TMX3: variants seen among roughly 807,000 people sequenced by gnomAD.
The protein encoded by TMX3 is protein disulfide-isomerase TMX3.
In TMX3, 40 loss-of-function variants were observed where a neutral mutation model predicts 64.4. That is an observed-to-expected ratio of 0.62 (90% CI 0.48 to 0.81). TMX3 has a LOEUF of 0.81. Among genes scored for constraint, TMX3 ranks in the 30% least tolerant of loss-of-function variants. TMX3 has a pLI of 0.00. For synonymous variants in TMX3, 189 were observed against 175.7 expected, an observed-to-expected ratio of 1.08 and a Z score of -0.60; for missense variants, 497 against 534.5, an observed-to-expected ratio of 0.93 and a Z score of 0.69.
At position 68,711,386 on chromosome 18, in the gene TMX3, T is replaced by C. The variant is rs2031258121; in HGVS notation, c.119A>G (p.Asn40Ser). The C allele has an allele frequency of 6.3e-7, 1 of 1,592,846 alleles. No individual in the cohort carries two copies. Among genetic ancestry groups the C allele is most frequent in the Non-Finnish European group, 8.6e-7 (1 of 1,166,528 alleles). Residue 40 changes from asparagine to serine, a missense_variant, in exon 3 of 16, where the codon AAT becomes AGT. Coordinates refer to ENST00000299608, the MANE Select transcript of TMX3 (RefSeq NM_019022.5). ...DLDESFKENR[N>S]DDIWLVDFYA... ...TACATCTACAAGCCAAATGTCATCA[T>C]TTCGATTTTCTTTAAACCTAAAAAA...
At chr18:68,705,664 A>C (rs2030592017) in intron 4 of TMX3, among the ~76,000 whole-genome samples, 1 of 152,216 alleles carries the variant, frequency 6.6e-6, no homozygotes, top group Non-Finnish European at 1.5e-5. Flanking sequence ...ATATTTTAGC[A>C]CTCATTTTGA....
At chr18:68,713,079 C>G (rs1315261413) in intron 2 of TMX3, among the ~76,000 whole-genome samples, 1 of 151,514 alleles carries the variant, frequency 6.6e-6, no homozygotes, top group African/African-American at 2.4e-5. Flanking sequence ...CCAGGTGAGT[C>G]AGGTGGATGA....
chr18:68,712,377 T>C (rs9965317), intron 2 of TMX3, among the ~76,000 whole-genome samples: 8,985 of 152,252 alleles, frequency 0.059, 901 homozygotes, highest in African/African-American at 0.2. Flanking sequence ...CACGTTGTTA[T>C]GGTGTCTTCT....
intron 8 of TMX3, among the ~76,000 whole-genome samples, chr18:68,696,097 A>G (rs574367855): frequency 6.6e-6 from 1 of 152,160 alleles, no homozygotes; most frequent in Non-Finnish European, 1.5e-5. Context: ...ACATTTCTTG[A>G]CCAATCAACC....
intron 4 of TMX3, among the ~76,000 whole-genome samples, chr18:68,709,726 A>G (rs912135466): frequency 2.0e-5 from 3 of 152,154 alleles, no homozygotes; most frequent in African/African-American, 7.2e-5. Flanking sequence ...GAACTCAAGT[A>G]GCAATATCAA....
chr18:68,684,066 C>T, intron 12 of TMX3, 124 bp downstream of exon 12: 3 of 750,174 alleles, frequency 4.0e-6, no homozygotes, highest in East Asian at 5.0e-5. Context: ...GCGAGGATTA[C>T]TGTTATTTAA....
At position 68,711,346 on chromosome 18, in the gene TMX3, TA is replaced by T; in HGVS notation, c.141+17del. 2 of 1,571,356 alleles carry T rather than the reference TA, an allele frequency of 1.3e-6. No individual in the cohort carries two copies. The highest frequency in any genetic ancestry group is 1.7e-6 in the Non-Finnish European group (2 of 1,153,334). On this transcript the variant is annotated intron_variant, in intron 3 of 15. Transcript: ENST00000299608. ...ATGGTAGGGGTGGGTAATTAGCATA[TA>T]AAATTTACATACTTACATCTACAAG...
chr18:68,688,260 GTAATTTT>G (rs1914159430), intron 9 of TMX3, among the ~76,000 whole-genome samples: 1 of 152,060 alleles, frequency 6.6e-6, no homozygotes, highest in African/African-American at 2.4e-5. Context: ...GGCACTACAG[GTAATTTT>G]TATTACAATT....
intron 4 of TMX3, among the ~76,000 whole-genome samples, chr18:68,708,929 G>A: frequency 6.6e-6 from 1 of 152,108 alleles, no homozygotes; most frequent in East Asian, 1.9e-4. Context: ...GCTTCCCAAA[G>A]CTACAAAAGT....
At chr18:68,708,015 G>A (rs1393610692) in intron 4 of TMX3, among the ~76,000 whole-genome samples, 4 of 138,226 alleles carry the variant, frequency 2.9e-5, no homozygotes, top group Non-Finnish European at 5.9e-5. Flanking sequence ...ATGTGTATAT[G>A]TGTATATATG....
intron 5 of TMX3, chr18:68,701,185 T>G: frequency 9.4e-6 from 2 of 212,138 alleles, no homozygotes; most frequent in South Asian, 1.7e-4. Flanking sequence ...AAATTGAAAT[T>G]ACTCAAATTT....
chr18:68,711,251 G>C (rs376647884), intron 3 of TMX3, 113 bp downstream of exon 3: 2 of 587,208 alleles, frequency 3.4e-6, no homozygotes, highest in South Asian at 4.1e-5. Context: ...AAAACAAATT[G>C]AGTATATACA....
In TMX3 at chr18:68,697,925, G is replaced by C; in HGVS notation, c.492+7C>G. 6.3e-7 allele frequency: 1 copy of C among 1,576,516 alleles called. No homozygotes were observed. On this transcript the variant is annotated splice_region_variant and intron_variant, in intron 7 of 15. Coordinates refer to ENST00000299608, the MANE Select transcript of TMX3 (RefSeq NM_019022.5). ...ATCTGTTTTTGTGGATTAAAAAAAA[G>C]TCTTACTTTCAAAGGTGATTCTCCA...
Position 68,673,773 on chromosome 18 carries a change from G to A in TMX3, c.*3160C>T, listed in dbSNP as rs1912709337. 1 of 152,156 alleles carries A rather than the reference G, an allele frequency of 6.6e-6. No homozygotes were observed. Among genetic ancestry groups the A allele is most frequent in the Non-Finnish European group, 1.5e-5 (1 of 68,024 alleles). 9.4% of individuals were successfully genotyped at this position (152,156 alleles called of 1,614,324 possible). ...AGAATATCATGAATTCAACAAGTTA[G>A]TAATGCAGACTTTCAAAAACCTCTA... On this transcript the variant is annotated 3_prime_UTR_variant, in exon 16 of 16. Transcript: ENST00000299608.
intron 4 of TMX3, among the ~76,000 whole-genome samples, chr18:68,703,365 A>T (rs79236834): frequency 0.023 from 3,509 of 152,338 alleles, 136 homozygotes; most frequent in African/African-American, 0.077. Flanking sequence ...GTATTTATAC[A>T]CAAATCAAAT....
chr18:68,683,148 A>T (rs1406831157), intron 12 of TMX3, among the ~76,000 whole-genome samples, 167 bp from the exon 13 acceptor site: 4 of 152,176 alleles, frequency 2.6e-5, no homozygotes, highest in African/African-American at 7.2e-5. Context: ...CATATACAAT[A>T]AACACTGCTA....
intron 5 of TMX3, chr18:68,700,766 A>G (rs1392237655): frequency 1.0e-6 from 1 of 985,140 alleles, no homozygotes; most frequent in Admixed American, 6.2e-5. Flanking sequence ...TAATCTACAC[A>G]TTCATGGTCA....
chr18:68,690,290 G>A (rs1433633068), intron 9 of TMX3, among the ~76,000 whole-genome samples: 3 of 152,166 alleles, frequency 2.0e-5, no homozygotes, highest in East Asian at 1.9e-4. Context: ...GGAGCCCACC[G>A]AGCACTGAAA....
chr18:68,690,826 C>A (rs1349630995), intron 9 of TMX3, among the ~76,000 whole-genome samples: 1 of 152,130 alleles, frequency 6.6e-6, no homozygotes, highest in African/African-American at 2.4e-5. Flanking sequence ...ATTTTAAAAA[C>A]AGACCAAGCA....
Sources: allele counts gnomAD v4.1 joint callset (sites outside exome capture counted in the v4.1 genomes callset), GRCh38; gene constraint gnomAD v4.1.1; transcripts MANE v1.5; gene names NCBI Gene and HGNC (gene_info 2026-07-23, HGNC 2026-07-21).